The following IQGAP2 variants were observed in gnomAD, a reference collection of about 807,000 sequenced individuals.
IQGAP2 encodes the protein ras GTPase-activating-like protein IQGAP2.
IQGAP2 carries 173 observed loss-of-function variants against 201.3 expected under a neutral mutation model. That is an observed-to-expected ratio of 0.86 (90% CI 0.76 to 0.98). IQGAP2 has a LOEUF of 0.98. Ranked by LOEUF, IQGAP2 falls within the 50% of genes least tolerant of loss-of-function variation. The pLI, the probability that IQGAP2 is intolerant of heterozygous loss-of-function variation, is 0.00. For synonymous variants in IQGAP2, 675 were observed against 673.9 expected (o/e 1.00, Z -0.03); for missense variants, 1,687 against 1,864.8 (o/e 0.90, Z 1.76).
At chr5:76,495,190 G>T (rs1756810753) in intron 2 of IQGAP2, among the ~76,000 whole-genome samples, 1 of 152,174 alleles carries the variant, frequency 6.6e-6, no homozygotes, top group Admixed American at 6.5e-5. Flanking sequence ...TCCTCAGGGT[G>T]AGTACAGTAA....
chr5:76,440,124 G>A (rs963625838), intron 1 of IQGAP2, among the ~76,000 whole-genome samples: 2 of 152,186 alleles, frequency 1.3e-5, no homozygotes, highest in African/African-American at 2.4e-5. Context: ...TAGTTTAGCT[G>A]GATACCAAAT....
intron 34 of IQGAP2, 71 bp downstream of exon 34, chr5:76,701,284 A>C (rs1747364961): frequency 6.7e-7 from 1 of 1,490,216 alleles, no homozygotes; most frequent in Admixed American, 1.7e-5. Context: ...AGAGAGCTCC[A>C]TTTGGTCTAG....
chr5:76,673,861 C>A, intron 25 of IQGAP2, 91 bp from the exon 26 acceptor site: 2 of 813,100 alleles, frequency 2.5e-6, no homozygotes, highest in East Asian at 2.5e-5. Flanking sequence ...AAAAACTACT[C>A]AGCTGAAGTT....
chr5:76,613,360 G>T (rs1447754611), intron 13 of IQGAP2, among the ~76,000 whole-genome samples: 2 of 152,204 alleles, frequency 1.3e-5, no homozygotes, highest in Non-Finnish European at 2.9e-5. Context: ...TTTGAAGATA[G>T]ACATCATTCA....
chr5:76,703,280 C>T (rs774694655), intron 35 of IQGAP2, among the ~76,000 whole-genome samples: 3 of 152,046 alleles, frequency 2.0e-5, no homozygotes, highest in South Asian at 2.1e-4. Flanking sequence ...TTCAGCCTCT[C>T]GAGTAACTGG....
At chr5:76,441,527 G>A (rs1753033791) in intron 1 of IQGAP2, 1 of 984,904 alleles carries the variant, frequency 1.0e-6, no homozygotes, top group African/African-American at 1.7e-5. Flanking sequence ...GTAAGAGAAG[G>A]TACAACTGTA....
chr5:76,522,348 A>C (rs1758736120), intron 2 of IQGAP2, among the ~76,000 whole-genome samples: 2 of 151,854 alleles, frequency 1.3e-5, no homozygotes, highest in Non-Finnish European at 2.9e-5. Flanking sequence ...ATGCCCTGCT[A>C]ATTTTTGTAT....
intron 2 of IQGAP2, among the ~76,000 whole-genome samples, chr5:76,523,655 A>G (rs1300879793): frequency 2.6e-5 from 4 of 152,208 alleles, no homozygotes; most frequent in Non-Finnish European, 5.9e-5. Context: ...TTCATCCTCT[A>G]GCCCTGAATA....
chr5:76,423,466 C>T (rs1751836298), intron 1 of IQGAP2, among the ~76,000 whole-genome samples: 1 of 152,134 alleles, frequency 6.6e-6, no homozygotes, highest in East Asian at 1.9e-4. Context: ...ACTAAAAATA[C>T]AAAAATTAGT....
At chr5:76,454,742 G>A (rs1267260201) in intron 1 of IQGAP2, among the ~76,000 whole-genome samples, 4 of 151,294 alleles carry the variant, frequency 2.6e-5, no homozygotes, top group Non-Finnish European at 4.4e-5. Flanking sequence ...GAATAGTGCC[G>A]CAATAAACAT....
intron 1 of IQGAP2, among the ~76,000 whole-genome samples, chr5:76,432,786 T>C (rs1752446533): frequency 6.6e-6 from 1 of 152,178 alleles, no homozygotes; most frequent in African/African-American, 2.4e-5. Flanking sequence ...GATCGGCTCA[T>C]CACAACTTTG....
At chr5:76,653,825 GA>G (rs1752701054) in intron 18 of IQGAP2, among the ~76,000 whole-genome samples, 1 of 152,170 alleles carries the variant, frequency 6.6e-6, no homozygotes, top group Non-Finnish European at 1.5e-5. Context: ...AGGGATGTTA[GA>G]AGAAACCCTA....
At position 76,707,468 on chromosome 5, in the gene IQGAP2, C is replaced by G. The variant is rs1242677750; in HGVS notation, c.*155C>G. Reference sequence around the variant, plus strand: ...TGTTCTGAAGAATGTACCCAGGTGCCTTTTTGCTAATTTGATACTATAATA... The same window carrying G: ...TGTTCTGAAGAATGTACCCAGGTGCGTTTTTGCTAATTTGATACTATAATA... On this transcript the variant is annotated 3_prime_UTR_variant, in exon 36 of 36. Coordinates refer to ENST00000274364, the MANE Select transcript of IQGAP2 (RefSeq NM_006633.5). The G allele has an allele frequency of 4.4e-5, 27 of 606,820 alleles. No homozygotes were observed. The highest frequency in any genetic ancestry group is 4.0e-4 in the East Asian group (14 of 35,308). The allele number at this position is 606,820 out of a possible 1,614,324, so 37.6% of individuals were successfully genotyped here. A position where few individuals can be genotyped will look rare whatever the true frequency, so the allele number is the denominator to read the frequency against.
At chr5:76,668,609 T>G in intron 22 of IQGAP2, 72 bp from the exon 23 acceptor site, 1 of 1,240,270 alleles carries the variant, frequency 8.1e-7, no homozygotes, top group Non-Finnish European at 1.2e-6. Context: ...GATACTGCTT[T>G]GTGCTTTAAT....
At chr5:76,429,856 CACAG>C (rs1257111079) in intron 1 of IQGAP2, among the ~76,000 whole-genome samples, 14 of 77,264 alleles carry the variant, frequency 1.8e-4, no homozygotes, top group East Asian at 8.6e-4. Context: ...GAAAAGGAGA[CACAG>C]ACACACACAC....
intron 2 of IQGAP2, among the ~76,000 whole-genome samples, chr5:76,466,919 C>T (rs1754812459): frequency 6.6e-6 from 1 of 152,176 alleles, no homozygotes; most frequent in Non-Finnish European, 1.5e-5. Context: ...AAAGACAAAT[C>T]ATGTGTCTGA....
chr5:76,404,536 C>T (rs926378412), intron 1 of IQGAP2: 11 of 980,034 alleles, frequency 1.1e-5, no homozygotes, highest in East Asian at 1.1e-4. Flanking sequence ...GCAGAGGTAC[C>T]AGGTTTGGGT....
At chr5:76,468,713 T>G (rs1267731214) in intron 2 of IQGAP2, among the ~76,000 whole-genome samples, 17 of 152,238 alleles carry the variant, frequency 1.1e-4, no homozygotes, top group Non-Finnish European at 1.5e-5. Context: ...TTCAACCTCT[T>G]TAGTTTTACA....
chr5:76,631,018 G>A (rs1561531256), intron 14 of IQGAP2, among the ~76,000 whole-genome samples: 1 of 152,148 alleles, frequency 6.6e-6, no homozygotes, highest in Non-Finnish European at 1.5e-5. Context: ...AGAGTTTGAT[G>A]TACGTGTAAG....
Sources: allele counts gnomAD v4.1 joint callset (sites outside exome capture counted in the v4.1 genomes callset), GRCh38; gene constraint gnomAD v4.1.1; transcripts MANE v1.5; gene names NCBI Gene and HGNC (gene_info 2026-07-23, HGNC 2026-07-21).